Variants in EXOC6B observed in about 807,000 individuals in gnomAD.
The protein encoded by EXOC6B is exocyst complex component 6B.
Under a neutral mutation model 113.5 loss-of-function variants are expected in EXOC6B, and 54 were observed. The observed-to-expected ratio is 0.48, with a 90% CI of 0.38 to 0.60. The LOEUF (loss-of-function observed/expected upper bound fraction) is 0.60. Ranked by LOEUF, EXOC6B falls within the 20% of genes least tolerant of loss-of-function variation. The pLI is 0.00. For missense variants in EXOC6B, 797 were observed against 977.5 expected, an observed-to-expected ratio of 0.82 and a Z score of 2.46; for synonymous variants, 357 against 339.0, an observed-to-expected ratio of 1.05 and a Z score of -0.58.
At chr2:72,521,961 G>A (rs1573316910) in intron 8 of EXOC6B, among the ~76,000 whole-genome samples, 1 of 152,200 alleles carries the variant, frequency 6.6e-6, no homozygotes, top group East Asian at 1.9e-4. Flanking sequence ...CTCCCAAAGT[G>A]CTGGGATTAC....
At chr2:72,448,731 C>A (rs182142454) in intron 18 of EXOC6B, among the ~76,000 whole-genome samples, 7 of 151,974 alleles carry the variant, frequency 4.6e-5, no homozygotes, top group Admixed American at 1.3e-4. Context: ...TCAATAATAT[C>A]TTCAAATGTA....
chr2:72,765,672 C>G (rs1683016449), intron 1 of EXOC6B, among the ~76,000 whole-genome samples: 2 of 151,558 alleles, frequency 1.3e-5, no homozygotes, highest in African/African-American at 4.9e-5. Context: ...GACTCCATCT[C>G]AAAAAAACAA....
chr2:72,804,067 A>C (rs1467093503), intron 1 of EXOC6B, among the ~76,000 whole-genome samples: 1 of 152,210 alleles, frequency 6.6e-6, no homozygotes, highest in East Asian at 1.9e-4. Context: ...ACAAGTTATT[A>C]GTGATAAAGC....
chr2:72,703,775 T>C (rs2104652080), intron 6 of EXOC6B, among the ~76,000 whole-genome samples: 1 of 124,058 alleles, frequency 8.1e-6, no homozygotes, highest in South Asian at 3.2e-4. Flanking sequence ...ATTGATTTTG[T>C]ATCCTGAGAC....
Position 72,648,209 on chromosome 2 carries a change from G to A in EXOC6B, c.669+69894C>T, listed in dbSNP as rs139187002. ...CATCATCACTGGTCATCAGAGAAAT[G>A]CAAATCAAAACCACAATGAAATATT... is the stretch of plus-strand genomic sequence containing the variant. On this transcript the variant is annotated intron_variant, in intron 6 of 21. Coordinates refer to ENST00000272427, the MANE Select transcript of EXOC6B (RefSeq NM_015189.3). 5.3e-3 allele frequency among the ~76,000 whole-genome samples: 811 copies of A among 152,304 alleles called. 7 individuals are homozygous for A. Among genetic ancestry groups the A allele is most frequent in the African/African-American group, 0.019 (787 of 41,564 alleles).
intron 20 of EXOC6B, among the ~76,000 whole-genome samples, chr2:72,283,437 T>C (rs2104679904): frequency 6.6e-6 from 1 of 152,282 alleles, no homozygotes; most frequent in African/African-American, 2.4e-5. Context: ...CACAACATAC[T>C]GGAAGCAGAA....
intron 6 of EXOC6B, among the ~76,000 whole-genome samples, chr2:72,615,511 G>A (rs1325136659): frequency 7.3e-5 from 11 of 149,736 alleles, no homozygotes. Flanking sequence ...TAACATTTAT[G>A]GTCAAAAAAA....
chr2:72,361,037 A>C (rs1368111952), intron 19 of EXOC6B, among the ~76,000 whole-genome samples: 3 of 151,978 alleles, frequency 2.0e-5, no homozygotes, highest in African/African-American at 7.3e-5. Flanking sequence ...TTGCTCTGCT[A>C]TGCTCTGTCC....
chr2:72,620,145 C>T (rs999886508), intron 6 of EXOC6B, among the ~76,000 whole-genome samples: 2 of 152,226 alleles, frequency 1.3e-5, no homozygotes, highest in Non-Finnish European at 2.9e-5. Context: ...GTCAGTGCCT[C>T]CCAAAGGGAT....
intron 13 of EXOC6B, 111 bp downstream of exon 13, chr2:72,498,343 A>T (rs1700143314): frequency 1.5e-6 from 1 of 648,960 alleles, no homozygotes; most frequent in Admixed American, 3.4e-5. Flanking sequence ...TACAAAATAT[A>T]AGTAACATAT....
intron 7 of EXOC6B, 100 bp from the exon 8 acceptor site, chr2:72,559,621 C>T: frequency 4.6e-6 from 4 of 866,834 alleles, no homozygotes; most frequent in Middle Eastern, 2.3e-4. Flanking sequence ...TTATAAAGGC[C>T]AGTTCTAGCT....
At chr2:72,493,416 T>TA (rs745445905) in intron 15 of EXOC6B, among the ~76,000 whole-genome samples, 80 of 147,750 alleles carry the variant, frequency 5.4e-4, no homozygotes, top group Non-Finnish European at 8.9e-4. Flanking sequence ...TAATTTGCTT[T>TA]AAAAAAATGC....
chr2:72,741,592 A>G lies in EXOC6B; in HGVS notation c.114-123T>C, dbSNP rs142523878. On this transcript the variant is annotated intron_variant, in intron 1 of 21. Coordinates refer to ENST00000272427, the MANE Select transcript of EXOC6B (RefSeq NM_015189.3). The stretch of plus-strand genomic sequence containing the variant: ...CAAAATAATCCAACTGTATATTAAC[A>G]TGCCTTATTGTTAAATGAGTATTTT... The G allele has an allele frequency of 5.2e-4, 397 of 756,844 alleles. 2 individuals carry two copies. In the African/African-American group the frequency reaches 5.6e-3, roughly 11 times the overall value. 46.9% of individuals were successfully genotyped at this position (756,844 alleles called of 1,614,324 possible).
chr2:72,701,658 G>A (rs147664210), intron 6 of EXOC6B, among the ~76,000 whole-genome samples: 58 of 152,196 alleles, frequency 3.8e-4, no homozygotes, highest in African/African-American at 6.5e-4. Context: ...TCTACTTCCC[G>A]GAGTCTATCT....
At chr2:72,575,096 T>C (rs1334052857) in intron 7 of EXOC6B, among the ~76,000 whole-genome samples, 1 of 152,160 alleles carries the variant, frequency 6.6e-6, no homozygotes, top group African/African-American at 2.4e-5. Context: ...AAATAATCTA[T>C]TTGTTCACTC....
chr2:72,802,622 T>C (rs1289412804), intron 1 of EXOC6B, among the ~76,000 whole-genome samples: 9 of 152,188 alleles, frequency 5.9e-5, no homozygotes, highest in Admixed American at 5.9e-4. Context: ...ATGGTTTAAA[T>C]TGTGTTACTA....
At chr2:72,687,690 T>C (rs1367304437) in intron 6 of EXOC6B, among the ~76,000 whole-genome samples, 1 of 152,112 alleles carries the variant, frequency 6.6e-6, no homozygotes, top group Non-Finnish European at 1.5e-5. Flanking sequence ...AAAGTCTGCT[T>C]AAGAGGAGGT....
Position 72,379,761 on chromosome 2 carries a change from T to C in EXOC6B, c.2090A>G (p.Gln697Arg), listed in dbSNP as rs773905467. Residue 697 changes from glutamine (Q) to arginine (R), a missense_variant, in exon 19 of 22, where the codon CAG (glutamine) becomes CGG (arginine). Physicochemically the swap from Gln to Arg is conservative, Grantham distance 43. Transcript: ENST00000272427. ...TTCTCTGACGTCCAAGTTGAACTGC[T>C]GTAATGCTCCCAAGGTGAGCTGCCG... is the stretch of plus-strand genomic sequence containing the variant. Reference protein sequence around the residue: ...EVRQLTLGALQQFNLDVRECE... With the variant: ...EVRQLTLGALRQFNLDVRECE... 3 of 1,613,156 alleles carry C rather than the reference T, an allele frequency of 1.9e-6. No homozygotes were observed. Among genetic ancestry groups the C allele is most frequent in the Admixed American group, 1.7e-5 (1 of 59,902 alleles).
intron 6 of EXOC6B, among the ~76,000 whole-genome samples, chr2:72,657,858 T>C (rs1209357780): frequency 6.6e-6 from 1 of 151,594 alleles, no homozygotes; most frequent in East Asian, 1.9e-4. Flanking sequence ...ACTACTTGAC[T>C]TTAAAAGCTA....
Sources: allele counts gnomAD v4.1 joint callset (sites outside exome capture counted in the v4.1 genomes callset), GRCh38; gene constraint gnomAD v4.1.1; transcripts MANE v1.5; gene names NCBI Gene and HGNC (gene_info 2026-07-23, HGNC 2026-07-21).